CENPP: variants seen among roughly 807,000 people sequenced by gnomAD.
CENPP encodes the protein centromere protein P.
In CENPP, 24 loss-of-function variants were observed where a neutral mutation model predicts 35.6. The ratio of observed to expected loss-of-function variants is 0.67; its 90% CI spans 0.49 to 0.95. The LOEUF (loss-of-function observed/expected upper bound fraction) is 0.95. Among genes scored for constraint, CENPP ranks in the 40% least tolerant of loss-of-function variants. The probability of loss-of-function intolerance (pLI) is 0.00; values close to 1 mark genes in which losing one functional copy is unlikely to be tolerated. For synonymous variants in CENPP, 120 were observed against 125.5 expected (o/e 0.96, Z 0.29); for missense variants, 332 against 345.3 (o/e 0.96, Z 0.31).
chr9:92,413,050 T>C (rs941247719), intron 5 of CENPP, among the ~76,000 whole-genome samples: 1 of 140,294 alleles, frequency 7.1e-6, no homozygotes, highest in Non-Finnish European at 1.5e-5. Context: ...AATGGCATGG[T>C]CTTGGCTCAC....
At chr9:92,355,231 T>G (rs1841559685) in intron 4 of CENPP, among the ~76,000 whole-genome samples, 1 of 152,150 alleles carries the variant, frequency 6.6e-6, no homozygotes, top group Non-Finnish European at 1.5e-5. Context: ...TCAGTCCTTA[T>G]CTCAACTGCA....
At chr9:92,546,032 CTG>C (rs1426981138) in intron 5 of CENPP, among the ~76,000 whole-genome samples, 1 of 151,916 alleles carries the variant, frequency 6.6e-6, no homozygotes, top group African/African-American at 2.4e-5. Context: ...AATCAGCACT[CTG>C]TGTCTAGCTC....
chr9:92,612,922 G>A, intron 7 of CENPP, 97 bp from the exon 8 acceptor site: 1 of 1,408,056 alleles, frequency 7.1e-7, no homozygotes, highest in Non-Finnish European at 9.9e-7. Context: ...TAGTCGGGAG[G>A]AGTGCGGGGT....
At chr9:92,589,385 CA>C (rs1457278729) in intron 5 of CENPP, among the ~76,000 whole-genome samples, 4 of 151,102 alleles carry the variant, frequency 2.6e-5, no homozygotes, top group African/African-American at 7.3e-5. Flanking sequence ...AGGAAACTAC[CA>C]AATGGTTTTA....
Position 92,426,503 on chromosome 9 carries a change from A to G in CENPP, c.564+46644A>G, listed in dbSNP as rs532159312. ...CTCTGTTATAGAGAAGGAAAACAGA[A>G]AATAAACATAAATAAGCATAAAATG... is the stretch of plus-strand genomic sequence containing the variant. On this transcript the variant is annotated intron_variant, in intron 5 of 7. Transcript: ENST00000375587. 5.9e-5 allele frequency among the ~76,000 whole-genome samples: 9 copies of G among 152,344 alleles called. No homozygotes were observed. The South Asian group carries it at 1.9e-3, about 32-fold the overall frequency.
intron 5 of CENPP, among the ~76,000 whole-genome samples, chr9:92,413,511 A>G (rs1843502577): frequency 6.6e-6 from 1 of 152,176 alleles, no homozygotes; most frequent in Admixed American, 6.5e-5. Context: ...TAGGTTAGGA[A>G]TTGTCTTATC....
At chr9:92,386,379 G>C in intron 5 of CENPP, 2 of 816,716 alleles carry the variant, frequency 2.4e-6, no homozygotes, top group Non-Finnish European at 4.3e-6. Context: ...GTGCATATGA[G>C]TATATGTCTA....
chr9:92,533,328 A>AAAAAAAAAAAAATATAT (rs1554683138), intron 5 of CENPP, among the ~76,000 whole-genome samples: 4 of 38,332 alleles, frequency 1.0e-4, no homozygotes, highest in Admixed American at 3.4e-4. Context: ...AAAAAAAAAA[A>AAAAAAAAAAAAATATAT]ATATATATAT....
At chr9:92,331,856 G>T (rs562828491) in intron 1 of CENPP, among the ~76,000 whole-genome samples, 1 of 152,068 alleles carries the variant, frequency 6.6e-6, no homozygotes, top group South Asian at 2.1e-4. Flanking sequence ...AGCTACTCAG[G>T]AGGATCCTTT....
intron 5 of CENPP, 102 bp from the exon 6 acceptor site, chr9:92,611,211 AC>A: frequency 1.1e-6 from 1 of 902,502 alleles, no homozygotes; most frequent in South Asian, 1.4e-5. Context: ...AAACACTCGG[AC>A]CCTGATTTTC....
intron 5 of CENPP, chr9:92,517,414 A>AGAAATTCTGTTATCTCTAAAATTCTGT: frequency 1.7e-6 from 1 of 579,418 alleles, no homozygotes; most frequent in Non-Finnish European, 3.0e-6. Context: ...TTCTGTTACC[A>AGAAATTCTGTTATCTCTAAAATTCTGT]TATCTCTAAA....
intron 4 of CENPP, among the ~76,000 whole-genome samples, chr9:92,375,510 C>T (rs1473150007): frequency 6.6e-6 from 1 of 151,760 alleles, no homozygotes; most frequent in Non-Finnish European, 1.5e-5. Context: ...ATTAGCTAGG[C>T]TGGTCTCAAA....
In CENPP at chr9:92,615,979, C is replaced by T; in HGVS notation, c.*2830C>T. 1 of 1,614,136 alleles carries T rather than the reference C, an allele frequency of 6.2e-7. No homozygotes were observed. The highest frequency in any genetic ancestry group is 1.7e-5 in the Admixed American group (1 of 60,012). The stretch of plus-strand genomic sequence containing the variant: ...ACTGATGGGGAATGCTCTCGTAGGG[C>T]TTGAGGTCAAGGTCCAGCACAGACA... On this transcript the variant is annotated 3_prime_UTR_variant, in exon 8 of 8. Transcript: ENST00000375587.
intron 5 of CENPP, among the ~76,000 whole-genome samples, chr9:92,520,945 G>A (rs1303254628): frequency 1.3e-5 from 2 of 152,238 alleles, no homozygotes; most frequent in Non-Finnish European, 2.9e-5. Context: ...TGGTTGCCAA[G>A]GGCTGGGAGT....
intron 5 of CENPP, chr9:92,424,129 A>T (rs535618617): frequency 6.6e-6 from 1 of 152,218 alleles, no homozygotes; most frequent in Non-Finnish European, 1.5e-5. Flanking sequence ...AATATTAAAA[A>T]ATCCAATATA....
rs142418071 is a variant in CENPP, at chr9:92,548,857, T to TTG, written c.565-62439_565-62438dup. 2.0e-3 allele frequency among the ~76,000 whole-genome samples: 303 copies of TTG among 150,534 alleles called. 2 individuals carry two copies. Among genetic ancestry groups the TTG allele is most frequent in the East Asian group, 5.6e-3 (29 of 5,158 alleles). On this transcript the variant is annotated intron_variant, in intron 5 of 7. Coordinates refer to ENST00000375587, the MANE Select transcript of CENPP (RefSeq NM_001012267.3). The stretch of plus-strand genomic sequence containing the variant: ...AAATCAAAATCCTAGCAGTTCACTT[T>TTG]TGTGTGTGTGTGTGTGTGTTATCTA...
chr9:92,464,420 G>A (rs4744133), intron 5 of CENPP, among the ~76,000 whole-genome samples: 61,621 of 152,132 alleles, frequency 0.41, 14,610 homozygotes, highest in African/African-American at 0.65. Context: ...TGGCCCATTA[G>A]TCTTCACAGT....
chr9:92,420,347 C>G (rs1588118087), intron 5 of CENPP, among the ~76,000 whole-genome samples: 1 of 152,336 alleles, frequency 6.6e-6, no homozygotes, highest in East Asian at 1.9e-4. Flanking sequence ...TATCGTTGCT[C>G]TTTTGCACAT....
chr9:92,511,056 T>G (rs192559940), intron 5 of CENPP, among the ~76,000 whole-genome samples: 1 of 152,354 alleles, frequency 6.6e-6, no homozygotes, highest in East Asian at 1.9e-4. Context: ...CATACACATT[T>G]ATGAGTTTTT....
Sources: allele counts gnomAD v4.1 joint callset (sites outside exome capture counted in the v4.1 genomes callset), GRCh38; gene constraint gnomAD v4.1.1; transcripts MANE v1.5; gene names NCBI Gene and HGNC (gene_info 2026-07-23, HGNC 2026-07-21).